Variants in RBFOX1 observed in about 807,000 individuals in gnomAD.
RBFOX1 encodes RNA binding fox-1 homolog 1, also known as RNA binding protein fox-1 homolog 1.
A neutral mutation model predicts 57.7 loss-of-function variants in RBFOX1; 8 were observed. The ratio of observed to expected loss-of-function variants is 0.14; its 90% confidence interval spans 0.08 to 0.25. RBFOX1 has a LOEUF of 0.25. RBFOX1 is among the 10% of genes least tolerant of loss of function. RBFOX1 has a pLI of 1.00. For synonymous variants in RBFOX1, 326 were observed against 222.4 expected, an observed-to-expected ratio of 1.47 and a Z score of -4.15; for missense variants, 611 against 548.5, an observed-to-expected ratio of 1.11 and a Z score of -1.14.
chr16:6,373,465 C>A (rs2090763999), intron 2 of RBFOX1, among the ~76,000 whole-genome samples: 1 of 150,732 alleles, frequency 6.6e-6, no homozygotes, highest in African/African-American at 2.4e-5. Flanking sequence ...TGGTTAGGAT[C>A]TTTGGGTAGG....
chr16:6,627,628 A>G (rs758764516), intron 2 of RBFOX1, among the ~76,000 whole-genome samples: 2 of 152,312 alleles, frequency 1.3e-5, no homozygotes, highest in African/African-American at 2.4e-5. Context: ...ATACTTAAGA[A>G]TATAAGATGT....
At chr16:6,256,243 A>AAG (rs1567788588) in intron 1 of RBFOX1, among the ~76,000 whole-genome samples, 1 of 96,364 alleles carries the variant, frequency 1.0e-5, no homozygotes, top group East Asian at 2.8e-4. Context: ...GTGTATATAT[A>AAG]TATGTATATA....
intron 1 of RBFOX1, among the ~76,000 whole-genome samples, chr16:5,444,203 T>C (rs1214933048): frequency 1.3e-5 from 2 of 152,200 alleles, no homozygotes; most frequent in Non-Finnish European, 2.9e-5. Context: ...TCAATGCTTT[T>C]AGTTGGCAGC....
At chr16:6,510,525 T>C (rs17442866) in intron 2 of RBFOX1, among the ~76,000 whole-genome samples, 42,798 of 152,084 alleles carry the variant, frequency 0.28, 7,569 homozygotes, top group Non-Finnish European at 0.4. Flanking sequence ...TTATTATCAT[T>C]CATTTGTTCA....
Position 7,668,935 on chromosome 16 carries a change from G to A in RBFOX1, c.930+3967G>A, listed in dbSNP as rs116150159. The stretch of plus-strand genomic sequence containing the variant: ...TAGATGTTTTTTGAGGTGGAATCTC[G>A]CTCTGTCGCCCAGGCTGGAGCACAG... On this transcript the variant is annotated intron_variant, in intron 13 of 15. Transcript: ENST00000550418. Among the ~76,000 whole-genome samples the A allele has an allele frequency of 9.6e-3, 1,454 of 152,120 alleles. 29 individuals are homozygous for A. Among genetic ancestry groups the A allele is most frequent in the African/African-American group, 0.032 (1,338 of 41,514 alleles).
At chr16:6,127,032 G>C (rs960233196) in intron 1 of RBFOX1, among the ~76,000 whole-genome samples, 18 of 152,112 alleles carry the variant, frequency 1.2e-4, no homozygotes, top group African/African-American at 3.4e-4. Context: ...TTTCCACTAA[G>C]GCTTAGAGAG....
chr16:6,153,033 GTT>G (rs59957159), intron 1 of RBFOX1, among the ~76,000 whole-genome samples: 8,747 of 128,074 alleles, frequency 0.068, 908 homozygotes, highest in African/African-American at 0.23. Flanking sequence ...GTTATTTTCT[GTT>G]TTTTTTTTTT....
intron 4 of RBFOX1, among the ~76,000 whole-genome samples, chr16:7,490,166 G>A (rs912525751): frequency 2.6e-5 from 4 of 152,150 alleles, no homozygotes; most frequent in Admixed American, 1.3e-4. Flanking sequence ...TAATAAATTG[G>A]CAGAAATGTC....
intron 3 of RBFOX1, among the ~76,000 whole-genome samples, chr16:6,664,762 A>G (rs534856275): frequency 2.2e-4 from 34 of 152,304 alleles, no homozygotes; most frequent in Non-Finnish European, 4.0e-4. Context: ...TGCTGCCAAG[A>G]AATCCTCAGC....
At chr16:6,755,005 T>G (rs2075561715) in intron 3 of RBFOX1, among the ~76,000 whole-genome samples, 1 of 152,180 alleles carries the variant, frequency 6.6e-6, no homozygotes. Context: ...ATTTCCAATT[T>G]CATCCATGTC....
intron 9 of RBFOX1, among the ~76,000 whole-genome samples, chr16:7,598,358 T>G (rs575997826): frequency 1.3e-5 from 2 of 152,340 alleles, no homozygotes; most frequent in South Asian, 4.1e-4. Context: ...CTAATGGTTG[T>G]GCTGAATTGT....
At chr16:6,680,524 A>T (rs1035710876) in intron 3 of RBFOX1, among the ~76,000 whole-genome samples, 4 of 151,970 alleles carry the variant, frequency 2.6e-5, no homozygotes, top group Non-Finnish European at 4.4e-5. Flanking sequence ...CGGCCTCCCA[A>T]AGTGCTGGGA....
chr16:6,075,277 C>A (rs2095882195), intron 1 of RBFOX1, among the ~76,000 whole-genome samples: 1 of 152,172 alleles, frequency 6.6e-6, no homozygotes, highest in Non-Finnish European at 1.5e-5. Context: ...GAAATAAGAT[C>A]ACCACATTTT....
intron 4 of RBFOX1, among the ~76,000 whole-genome samples, chr16:7,236,932 C>A (rs932877592): frequency 1.3e-5 from 2 of 152,102 alleles, no homozygotes; most frequent in African/African-American, 4.8e-5. Context: ...AAATGATCTG[C>A]CTGCCTCTGT....
chr16:5,796,604 C>G (rs140875851), intron 3 of RBFOX1, among the ~76,000 whole-genome samples: 93 of 152,228 alleles, frequency 6.1e-4, no homozygotes, highest in African/African-American at 2.1e-3. Context: ...TAGCAGCAGA[C>G]CTTTCATGAG....
intron 1 of RBFOX1, among the ~76,000 whole-genome samples, chr16:6,175,338 C>T (rs1464815458): frequency 6.6e-6 from 1 of 152,124 alleles, no homozygotes; most frequent in African/African-American, 2.4e-5. Flanking sequence ...TACAGGGTAC[C>T]ACAGTCATAA....
chr16:7,083,496 G>GT (rs1273104653), intron 4 of RBFOX1, among the ~76,000 whole-genome samples: 1 of 152,068 alleles, frequency 6.6e-6, no homozygotes, highest in Non-Finnish European at 1.5e-5. Flanking sequence ...ATCCACTGGT[G>GT]TATCAGAGGC....
At chr16:5,998,309 A>C (rs2060525185) in intron 4 of RBFOX1, among the ~76,000 whole-genome samples, 1 of 152,236 alleles carries the variant, frequency 6.6e-6, no homozygotes, top group African/African-American at 2.4e-5. Flanking sequence ...ATTGCAATTC[A>C]TTAAATTTGA....
intron 2 of RBFOX1, among the ~76,000 whole-genome samples, chr16:6,567,146 A>G (rs547765401): frequency 2.0e-5 from 3 of 152,252 alleles, no homozygotes; most frequent in Admixed American, 1.3e-4. Flanking sequence ...TGGTTTGGGG[A>G]TAATGTTGAC....
Sources: allele counts gnomAD v4.1 joint callset (sites outside exome capture counted in the v4.1 genomes callset), GRCh38; gene constraint gnomAD v4.1.1; transcripts MANE v1.5; gene names NCBI Gene and HGNC (gene_info 2026-07-23, HGNC 2026-07-21).